RBFOX1: variants seen among roughly 807,000 people sequenced by gnomAD.
RBFOX1 encodes the protein RNA binding fox-1 homolog 1.
Under a neutral mutation model 57.7 loss-of-function variants are expected in RBFOX1, and 8 were observed. The observed-to-expected ratio is 0.14, with a 90% confidence interval of 0.08 to 0.25. The LOEUF (loss-of-function observed/expected upper bound fraction) is 0.25. Ranked by LOEUF, RBFOX1 falls within the 10% of genes least tolerant of loss-of-function variation. The pLI is 1.00. For synonymous variants in RBFOX1, 326 were observed against 222.4 expected (o/e 1.47, Z -4.15); for missense variants, 611 against 548.5 (o/e 1.11, Z -1.14).
chr16:7,251,369 G>A (rs2094493053), intron 4 of RBFOX1, among the ~76,000 whole-genome samples: 1 of 149,720 alleles, frequency 6.7e-6, no homozygotes, highest in Non-Finnish European at 1.5e-5. Flanking sequence ...AGGGCTGAAT[G>A]ACATTCCATT....
intron 4 of RBFOX1, among the ~76,000 whole-genome samples, chr16:7,404,246 T>C (rs1380217486): frequency 1.3e-5 from 2 of 151,780 alleles, no homozygotes; most frequent in Non-Finnish European, 2.9e-5. Context: ...ACAGACGGGG[T>C]TTCACCATGT....
intron 3 of RBFOX1, among the ~76,000 whole-genome samples, chr16:7,025,555 C>G (rs1451474694): frequency 2.0e-5 from 3 of 152,100 alleles, no homozygotes; most frequent in African/African-American, 7.2e-5. Context: ...AACCGGATCC[C>G]AAGACATAAG....
At chr16:7,518,120 C>T (rs1478721594) in intron 4 of RBFOX1, 27 bp from the exon 5 acceptor site, 2 of 1,594,192 alleles carry the variant, frequency 1.3e-6, no homozygotes, top group Non-Finnish European at 1.7e-6. Flanking sequence ...ACGTTCTCTC[C>T]CTCTCTGCAC....
intron 11 of RBFOX1, among the ~76,000 whole-genome samples, chr16:7,651,647 T>A (rs1351054809): frequency 1.3e-5 from 2 of 152,208 alleles, no homozygotes. Flanking sequence ...CTTGGCAGTT[T>A]GGATAGAGGG....
At chr16:6,371,203 A>G (rs1027027743) in intron 2 of RBFOX1, among the ~76,000 whole-genome samples, 10 of 152,120 alleles carry the variant, frequency 6.6e-5, no homozygotes, top group African/African-American at 1.9e-4. Context: ...ATGGTTTTAG[A>G]CTTTTAAAAT....
chr16:6,394,793 A>T (rs2092753955), intron 2 of RBFOX1, among the ~76,000 whole-genome samples: 1 of 152,146 alleles, frequency 6.6e-6, no homozygotes, highest in Non-Finnish European at 1.5e-5. Flanking sequence ...ACGATCCCCA[A>T]GGAGCCTTAA....
intron 3 of RBFOX1, among the ~76,000 whole-genome samples, chr16:6,897,852 C>G (rs2067338850): frequency 6.6e-6 from 1 of 152,144 alleles, no homozygotes; most frequent in Non-Finnish European, 1.5e-5. Flanking sequence ...AGTTTCTGAG[C>G]TTATCATCCA....
chr16:6,459,811 C>G (rs776355003), intron 2 of RBFOX1, among the ~76,000 whole-genome samples: 6 of 151,294 alleles, frequency 4.0e-5, no homozygotes, highest in African/African-American at 7.3e-5. Flanking sequence ...ACTGAGAAAC[C>G]CTGTCTCTAC....
In RBFOX1 at chr16:5,947,708, G is replaced by T. The variant is rs1032447794; in HGVS notation, c.351+80373G>T. 1.3e-4 allele frequency among the ~76,000 whole-genome samples: 20 copies of T among 152,116 alleles called. No individual in the cohort carries two copies. Among genetic ancestry groups the T allele is most frequent in the Admixed American group, 3.9e-4 (6 of 15,264 alleles). On this transcript the variant is annotated intron_variant, in intron 4 of 19. Coordinates refer to the RBFOX1 transcript ENST00000641259. The surrounding 1 kb of genome is among the most constrained non-coding windows in gnomAD (Gnocchi z 7.2). Reference sequence around the variant, plus strand: ...GCCCTTTTGAGAGAGTGGGGTTAGGGATTTCTGCACCCTTTTTACTATGTC... The same window carrying T: ...GCCCTTTTGAGAGAGTGGGGTTAGGTATTTCTGCACCCTTTTTACTATGTC...
At chr16:5,810,791 T>G (rs1487338381) in intron 3 of RBFOX1, among the ~76,000 whole-genome samples, 2 of 152,212 alleles carry the variant, frequency 1.3e-5, no homozygotes, top group Non-Finnish European at 2.9e-5. Flanking sequence ...CTGAGTTACG[T>G]GTATGTGTGC....
chr16:6,394,704 G>A (rs2092748978), intron 2 of RBFOX1, among the ~76,000 whole-genome samples: 2 of 151,722 alleles, frequency 1.3e-5, no homozygotes, highest in Admixed American at 6.6e-5. Flanking sequence ...ATGTGTGTGT[G>A]TGTAAGTATG....
intron 4 of RBFOX1, among the ~76,000 whole-genome samples, chr16:7,320,691 G>A (rs999117954): frequency 4.6e-5 from 7 of 152,322 alleles, no homozygotes; most frequent in East Asian, 1.9e-4. Context: ...TCATTTAAAC[G>A]CTCAGCACTC....
chr16:6,716,524 C>G (rs2064856921), intron 3 of RBFOX1, among the ~76,000 whole-genome samples: 1 of 152,174 alleles, frequency 6.6e-6, no homozygotes, highest in Non-Finnish European at 1.5e-5. Flanking sequence ...TGTTTGCTTT[C>G]TTGTTTACCT....
At chr16:7,321,222 G>A (rs969341022) in intron 4 of RBFOX1, among the ~76,000 whole-genome samples, 1 of 152,000 alleles carries the variant, frequency 6.6e-6, no homozygotes, top group African/African-American at 2.4e-5. Context: ...TCATCTCACT[G>A]CAACCTCTGG....
chr16:7,561,201 C>G (rs755934277), intron 5 of RBFOX1, among the ~76,000 whole-genome samples: 21 of 152,244 alleles, frequency 1.4e-4, no homozygotes, highest in Non-Finnish European at 2.9e-4. Context: ...CCCACTGTCT[C>G]TGCTTTTACA....
chr16:6,612,863 A>AAAAAAATAAT (rs59339311), intron 2 of RBFOX1, among the ~76,000 whole-genome samples: 4 of 132,236 alleles, frequency 3.0e-5, no homozygotes, highest in African/African-American at 1.2e-4. Flanking sequence ...AAAAAAAAAA[A>AAAAAAATAAT]AATAATAATA....
chr16:6,222,441 T>C (rs754146220), intron 1 of RBFOX1, among the ~76,000 whole-genome samples: 2 of 151,706 alleles, frequency 1.3e-5, no homozygotes, highest in African/African-American at 4.8e-5. Flanking sequence ...GCCTGGAGCA[T>C]AGAAGTGATA....
At chr16:7,587,506 C>T (rs2094193002) in intron 7 of RBFOX1, among the ~76,000 whole-genome samples, 1 of 152,054 alleles carries the variant, frequency 6.6e-6, no homozygotes, top group South Asian at 2.1e-4. Flanking sequence ...TTTTAAATTG[C>T]TGTTTTATAT....
intron 10 of RBFOX1, among the ~76,000 whole-genome samples, chr16:7,620,306 C>G (rs891240619): frequency 6.6e-6 from 1 of 152,186 alleles, no homozygotes; most frequent in Non-Finnish European, 1.5e-5. Context: ...GATGTAACCA[C>G]TGAGGCTCAG....
Sources: allele counts gnomAD v4.1 joint callset (sites outside exome capture counted in the v4.1 genomes callset), GRCh38; gene constraint gnomAD v4.1.1; non-coding constraint Gnocchi (gnomAD v3.1); transcripts MANE v1.5; gene names NCBI Gene and HGNC (gene_info 2026-07-23, HGNC 2026-07-21).